The following POGK variants were observed in gnomAD, a reference collection of about 807,000 sequenced individuals.
POGK encodes the protein pogo transposable element with KRAB domain.
Under a neutral mutation model 54.4 loss-of-function variants are expected in POGK, and 16 were observed. The ratio of observed to expected loss-of-function variants is 0.29; its 90% CI spans 0.20 to 0.45. The LOEUF (loss-of-function observed/expected upper bound fraction) is 0.45. POGK is among the 20% of genes least tolerant of loss of function. The pLI is 1.00. For synonymous variants in POGK, 271 were observed against 302.2 expected (o/e 0.90, Z 1.07); for missense variants, 515 against 795.6 (o/e 0.65, Z 4.24).
At chr1:166,841,611 T>C (rs1471598968) in intron 2 of POGK, among the ~76,000 whole-genome samples, 5 of 152,182 alleles carry the variant, frequency 3.3e-5, no homozygotes, top group Non-Finnish European at 4.4e-5. Context: ...AATAGTATGA[T>C]AGAGGTCGGT....
At chr1:166,845,010 G>A (rs1657781807) in intron 2 of POGK, among the ~76,000 whole-genome samples, 1 of 152,160 alleles carries the variant, frequency 6.6e-6, no homozygotes, top group African/African-American at 2.4e-5. Flanking sequence ...TGGTTGTTCA[G>A]GGAACTGCAC....
Position 166,841,108 on chromosome 1 carries a change from G to A in POGK, c.132+20G>A, listed in dbSNP as rs766419894. The A allele has an allele frequency of 2.5e-6, 4 of 1,611,944 alleles. No homozygotes were observed. Among genetic ancestry groups the A allele is most frequent in the South Asian group, 1.1e-5 (1 of 90,952 alleles). On this transcript the variant is annotated intron_variant, in intron 2 of 5. Transcript: ENST00000367876. ...GGATGGGTAAGTAAGAAGGTGTGGA[G>A]TCCACACAGCCAGCAGATGCAGGCC...
Position 166,854,145 on chromosome 1 carries a change from A to G in POGK, c.*1575A>G, listed in dbSNP as rs1328770227. The G allele has an allele frequency of 6.6e-6, 1 of 152,614 alleles. No homozygotes were observed. Among genetic ancestry groups the G allele is most frequent in the Non-Finnish European group, 1.5e-5 (1 of 68,042 alleles). 9.5% of individuals were successfully genotyped at this position (152,614 alleles called of 1,614,324 possible). A position where few individuals can be genotyped will look rare whatever the true frequency, so the allele number is the denominator to read the frequency against. Reference sequence around the variant, plus strand: ...TTTTGGGTTCCTTCCTTGGAGCCATAGTTACCCTGCCAAGAAGAGTAGAAA... The same window carrying G: ...TTTTGGGTTCCTTCCTTGGAGCCATGGTTACCCTGCCAAGAAGAGTAGAAA... On this transcript the variant is annotated 3_prime_UTR_variant, in exon 6 of 6. Coordinates refer to ENST00000367876, the MANE Select transcript of POGK (RefSeq NM_017542.5).
rs1658007443 is a variant in POGK at position 166,850,316 on chromosome 1, A to G, written c.1737A>G (p.Glu579=). The stretch of plus-strand genomic sequence containing the variant: ...ATATCTCCAGCAACTTGGAGGAGGA[A>G]GACGATGTCCTGTGGGAAATCGAGA... ...KCHISSNLEE[E]DDVLWEIESE... The change falls in exon 5 of 6, where the codon GAA becomes GAG. Residue 579 remains glutamate, a synonymous_variant. Coordinates refer to ENST00000367876, the MANE Select transcript of POGK (RefSeq NM_017542.5). The G allele has an allele frequency of 6.2e-7, 1 of 1,610,038 alleles. No homozygotes were observed. The highest frequency in any genetic ancestry group is 1.1e-5 in the South Asian group (1 of 90,214).
chr1:166,842,017 A>G (rs915866648), intron 2 of POGK, among the ~76,000 whole-genome samples: 4 of 151,940 alleles, frequency 2.6e-5, no homozygotes, highest in Non-Finnish European at 5.9e-5. Context: ...AAAAAAAAAA[A>G]CAGTGCAACC....
At chr1:166,851,102 T>G (rs1658046226) in intron 5 of POGK, 1 of 152,188 alleles carries the variant, frequency 6.6e-6, no homozygotes. Flanking sequence ...CACACAAAAT[T>G]TTGTCTGAAA....
chr1:166,840,811 G>T, intron 1 of POGK, 144 bp from the exon 2 acceptor site: 1 of 997,894 alleles, frequency 1.0e-6, no homozygotes, highest in Non-Finnish European at 1.5e-6. Flanking sequence ...TAGCTTCCTG[G>T]CCGACTCTTG....
chr1:166,849,815 A>G lies in POGK; in HGVS notation c.1236A>G (p.Pro412=), dbSNP rs768783825. ...LGVLADGRKL[P]PYIILRGTYI... ...TCTTGGCTGATGGGAGGAAGTTACC[A>G]CCGTACATCATTTTGAGGGGAACAT... is the stretch of plus-strand genomic sequence containing the variant. Residue 412 remains proline, a synonymous_variant, in exon 5 of 6, where the codon CCA becomes CCG. Coordinates refer to ENST00000367876, the MANE Select transcript of POGK (RefSeq NM_017542.5). 36 of 1,614,148 alleles carry G rather than the reference A, an allele frequency of 2.2e-5. No homozygotes were observed. Among genetic ancestry groups the G allele is most frequent in the Non-Finnish European group, 2.7e-5 (32 of 1,180,050 alleles).
At chr1:166,850,898 G>T in intron 5 of POGK, 1 of 153,464 alleles carries the variant, frequency 6.5e-6, no homozygotes, top group Non-Finnish European at 1.5e-5. Context: ...ATAGATAACA[G>T]ACCATTAGCA....
chr1:166,845,586 C>G (rs1657813341), intron 2 of POGK, among the ~76,000 whole-genome samples: 1 of 152,072 alleles, frequency 6.6e-6, no homozygotes, highest in African/African-American at 2.4e-5. Flanking sequence ...CATATGGACA[C>G]TAATTTTCTA....
intron 4 of POGK, 22 bp from the exon 5 acceptor site, chr1:166,848,916 C>G (rs1398706422): frequency 9.6e-6 from 15 of 1,554,982 alleles, no homozygotes; most frequent in Non-Finnish European, 1.3e-5. Context: ...ATTATTTTTG[C>G]CCCTCACTAT....
intron 1 of POGK, chr1:166,840,271 A>G (rs1210087906): frequency 2.0e-5 from 3 of 152,310 alleles, no homozygotes; most frequent in Non-Finnish European, 4.4e-5. Context: ...GCCCAGAGGC[A>G]ATGGGTTATT....
Position 166,854,393 on chromosome 1 carries a change from A to G in POGK, c.*1823A>G, listed in dbSNP as rs893815543. On this transcript the variant is annotated 3_prime_UTR_variant, in exon 6 of 6. Transcript: ENST00000367876. ...GAATGGCTGTTACCCTAGAATTACT[A>G]TAGCACATATTGAGATATAGTTGTA... 3 of 152,672 alleles carry G rather than the reference A, an allele frequency of 2.0e-5. No individual in the cohort carries two copies. The highest frequency in any genetic ancestry group is 1.9e-4 in the East Asian group (1 of 5,202). 9.5% of individuals were successfully genotyped at this position (152,672 alleles called of 1,614,324 possible).
At chr1:166,847,351 T>C in intron 3 of POGK, 143 bp from the exon 4 acceptor site, 1 of 614,846 alleles carries the variant, frequency 1.6e-6, no homozygotes, top group Non-Finnish European at 2.8e-6. Context: ...ATTATCTTTT[T>C]TCTTTAAGTA....
At position 166,853,497 on chromosome 1, in the gene POGK, AG is replaced by A. The variant is rs1024999726; in HGVS notation, c.*930del. ...AATATTTTTATCACGGGGCAGTGGGAGGGCTTGGGCTTTTAGCCACAGCTGT... is the reference window on the plus strand; with the variant it reads ...AATATTTTTATCACGGGGCAGTGGGAGGCTTGGGCTTTTAGCCACAGCTGT... On this transcript the variant is annotated 3_prime_UTR_variant, in exon 6 of 6. Transcript: ENST00000367876. 2.6e-5 allele frequency: 4 copies of A among 152,610 alleles called. No homozygotes were observed. Among genetic ancestry groups the A allele is most frequent in the Non-Finnish European group, 5.9e-5 (4 of 68,048 alleles). The allele number at this position is 152,610 out of a possible 1,614,324, so 9.5% of individuals were successfully genotyped here.
At chr1:166,846,480 C>T in intron 2 of POGK, 132 bp from the exon 3 acceptor site, 1 of 1,210,082 alleles carries the variant, frequency 8.3e-7, no homozygotes, top group Admixed American at 2.1e-5. Flanking sequence ...TCCGTTTTCC[C>T]CTGGGTCAGG....
In POGK at chr1:166,849,373, G is replaced by T; in HGVS notation, c.794G>T (p.Arg265Leu). Residue 265 changes from arginine to leucine, a missense_variant, in exon 5 of 6, where the codon CGT becomes CTT. Coordinates refer to ENST00000367876, the MANE Select transcript of POGK (RefSeq NM_017542.5). ...GGGAGGTTTGCTCTGGTGGACCAGCGTGTGGCCGAATATGTCAGATACATG... is the reference window on the plus strand; with the variant it reads ...GGGAGGTTTGCTCTGGTGGACCAGCTTGTGGCCGAATATGTCAGATACATG... ...KNGRFALVDQ[R>L]VAEYVRYMQA... 1 of 1,614,200 alleles carries T rather than the reference G, an allele frequency of 6.2e-7. No homozygotes were observed. The highest frequency in any genetic ancestry group is 8.5e-7 in the Non-Finnish European group (1 of 1,180,056).
chr1:166,844,675 A>G (rs1009688974), intron 2 of POGK, among the ~76,000 whole-genome samples: 2 of 152,246 alleles, frequency 1.3e-5, no homozygotes, highest in African/African-American at 2.4e-5. Context: ...TTCAGTGACT[A>G]CTAGCTACAG....
At position 166,855,369 on chromosome 1, in the gene POGK, G is replaced by A. The variant is rs1197337204; in HGVS notation, c.*2799G>A. 6.6e-5 allele frequency: 10 copies of A among 152,140 alleles called. No individual in the cohort carries two copies. The highest frequency in any genetic ancestry group is 1.2e-4 in the Non-Finnish European group (8 of 68,010). The allele number at this position is 152,140 out of a possible 1,614,324, so 9.4% of individuals were successfully genotyped here. A position where few individuals can be genotyped will look rare whatever the true frequency, so the allele number is the denominator to read the frequency against. On this transcript the variant is annotated 3_prime_UTR_variant, in exon 6 of 6. Transcript: ENST00000367876. ...ACATGATGCTTGATAATAAGCATTT[G>A]TTTCTTAACCTAATTAGAGAAGCGA...
Sources: allele counts gnomAD v4.1 joint callset (sites outside exome capture counted in the v4.1 genomes callset), GRCh38; gene constraint gnomAD v4.1.1; transcripts MANE v1.5; gene names NCBI Gene and HGNC (gene_info 2026-07-23, HGNC 2026-07-21).